FER: variants seen among roughly 807,000 people sequenced by gnomAD.
The protein encoded by FER is tyrosine-protein kinase Fer.
A neutral mutation model predicts 111.0 loss-of-function variants in FER; 63 were observed. The observed-to-expected ratio is 0.57, with a 90% confidence interval of 0.46 to 0.70. The LOEUF (loss-of-function observed/expected upper bound fraction) is 0.70. Ranked by LOEUF, FER falls within the 30% of genes least tolerant of loss-of-function variation. The pLI is 0.00. For missense variants in FER, 914 were observed against 954.0 expected (o/e 0.96, Z 0.55); for synonymous variants, 327 against 313.9 (o/e 1.04, Z -0.44).
intron 16 of FER, among the ~76,000 whole-genome samples, chr5:109,075,083 C>T (rs1033306178): frequency 6.6e-6 from 1 of 152,154 alleles, no homozygotes; most frequent in African/African-American, 2.4e-5. Context: ...AGCTTTCTAA[C>T]TTTTCCTGTG....
At chr5:109,103,445 T>C (rs950040026) in intron 17 of FER, among the ~76,000 whole-genome samples, 5 of 152,136 alleles carry the variant, frequency 3.3e-5, no homozygotes, top group African/African-American at 4.8e-5. Flanking sequence ...AAAACAATTA[T>C]GACAACTATA....
At chr5:108,767,151 A>T (rs1752409338) in intron 1 of FER, among the ~76,000 whole-genome samples, 1 of 152,080 alleles carries the variant, frequency 6.6e-6, no homozygotes, top group Non-Finnish European at 1.5e-5. Flanking sequence ...TAAAAATGCA[A>T]GAATCAGCTG....
chr5:109,019,396 T>G (rs553111037), intron 13 of FER, among the ~76,000 whole-genome samples: 7 of 151,852 alleles, frequency 4.6e-5, no homozygotes, highest in Non-Finnish European at 1.0e-4. Context: ...CTCAAGTAAA[T>G]GCAAAAGTAT....
intron 17 of FER, among the ~76,000 whole-genome samples, chr5:109,170,859 T>A (rs1352626464): frequency 6.6e-6 from 1 of 152,124 alleles, no homozygotes; most frequent in Non-Finnish European, 1.5e-5. Flanking sequence ...ATCTACCACC[T>A]CTGTGAGGCT....
chr5:108,770,784 G>T (rs186275671), intron 2 of FER, among the ~76,000 whole-genome samples: 22 of 152,144 alleles, frequency 1.4e-4, no homozygotes, highest in Non-Finnish European at 4.4e-5. Flanking sequence ...TATCTTTTTG[G>T]TTTTACAGCT....
At chr5:108,910,982 C>T (rs909171031) in intron 10 of FER, among the ~76,000 whole-genome samples, 1 of 151,900 alleles carries the variant, frequency 6.6e-6, no homozygotes, top group Non-Finnish European at 1.5e-5. Flanking sequence ...ATATAATACC[C>T]AGTAGTGGGA....
chr5:109,126,583 G>T (rs993779883), intron 17 of FER, among the ~76,000 whole-genome samples: 1 of 152,152 alleles, frequency 6.6e-6, no homozygotes, highest in East Asian at 1.9e-4. Flanking sequence ...TGCTGATTCT[G>T]TCTCTCATGG....
At chr5:108,918,487 T>G (rs977570036) in intron 10 of FER, among the ~76,000 whole-genome samples, 2 of 149,862 alleles carry the variant, frequency 1.3e-5, no homozygotes, top group African/African-American at 4.9e-5. Flanking sequence ...GTGTGTGTTT[T>G]TTCTTTTTTT....
At chr5:108,872,276 C>T in intron 8 of FER, 64 bp downstream of exon 8, 1 of 1,413,872 alleles carries the variant, frequency 7.1e-7, no homozygotes, top group Non-Finnish European at 9.5e-7. Flanking sequence ...TTGTTGTACT[C>T]AGATTTAAAA....
intron 1 of FER, among the ~76,000 whole-genome samples, chr5:108,758,301 C>G (rs987292115): frequency 6.6e-6 from 1 of 152,102 alleles, no homozygotes; most frequent in Non-Finnish European, 1.5e-5. Flanking sequence ...AAGAGCAAAC[C>G]TACCTAGAGT....
intron 3 of FER, among the ~76,000 whole-genome samples, chr5:108,826,943 G>GGC (rs1182694603): frequency 3.9e-5 from 6 of 152,064 alleles, no homozygotes; most frequent in Non-Finnish European, 8.8e-5. Flanking sequence ...GGTGGTTTTA[G>GGC]AAACTTTTTT....
Position 108,844,107 on chromosome 5 carries a change from C to CACAT in FER, c.481+8301_481+8302insCATA, listed in dbSNP as rs765600330. Among the ~76,000 whole-genome samples the CACAT allele has an allele frequency of 3.5e-4, 33 of 95,186 alleles. 1 individual carries two copies. The highest frequency in any genetic ancestry group is 6.8e-4 in the Admixed American group (7 of 10,326). The allele number at this position is 95,186 out of a possible 152,430, so 62.4% of individuals were successfully genotyped here. On this transcript the variant is annotated intron_variant, in intron 5 of 19. Coordinates refer to ENST00000281092, the MANE Select transcript of FER (RefSeq NM_005246.4). ...ATGCGTGTGAACATATGTGTGTGAA[C>CACAT]ATGTGTGTGAACACATATATGTGTG...
At chr5:108,831,155 A>G (rs1760004711) in intron 3 of FER, among the ~76,000 whole-genome samples, 1 of 152,180 alleles carries the variant, frequency 6.6e-6, no homozygotes, top group African/African-American at 2.4e-5. Context: ...CTTCTCGCCT[A>G]GGCTGCAAGG....
At chr5:108,989,596 C>T (rs1561727361) in intron 13 of FER, among the ~76,000 whole-genome samples, 1 of 151,866 alleles carries the variant, frequency 6.6e-6, no homozygotes, top group Non-Finnish European at 1.5e-5. Context: ...TTTGTTTTAA[C>T]AGATGAACTT....
At chr5:108,902,552 A>T (rs190192963) in intron 10 of FER, among the ~76,000 whole-genome samples, 1 of 152,300 alleles carries the variant, frequency 6.6e-6, no homozygotes, top group East Asian at 1.9e-4. Flanking sequence ...GAAATAGTAT[A>T]TGGGATGCAG....
chr5:108,761,990 A>G (rs1751807417), intron 1 of FER, among the ~76,000 whole-genome samples: 1 of 152,092 alleles, frequency 6.6e-6, no homozygotes, highest in East Asian at 1.9e-4. Flanking sequence ...AGCTCACTGC[A>G]ACCTTGGCCT....
At chr5:108,868,843 C>G (rs1379400679) in intron 6 of FER, among the ~76,000 whole-genome samples, 1 of 152,010 alleles carries the variant, frequency 6.6e-6, no homozygotes, top group East Asian at 1.9e-4. Context: ...AGCACATAAG[C>G]TCTTAGGTTT....
intron 3 of FER, among the ~76,000 whole-genome samples, chr5:108,802,651 G>C (rs991691566): frequency 6.6e-6 from 1 of 152,004 alleles, no homozygotes; most frequent in African/African-American, 2.4e-5. Context: ...TAGGATAATG[G>C]CCTCCAGCTG....
At chr5:108,826,711 A>G (rs1759512060) in intron 3 of FER, among the ~76,000 whole-genome samples, 1 of 152,252 alleles carries the variant, frequency 6.6e-6, no homozygotes, top group South Asian at 2.1e-4. Context: ...GAATTCACTA[A>G]TGAATCAAAC....
Sources: gnomAD v4.1 joint callset for allele counts (sites outside exome capture counted in the v4.1 genomes callset) on GRCh38, gnomAD v4.1.1 for gene constraint, MANE v1.5 for transcripts, NCBI Gene and HGNC (gene_info 2026-07-23, HGNC 2026-07-21) for gene names.